Variants in CEP162 observed in about 807,000 individuals in gnomAD.
CEP162 encodes centrosomal protein 162.
Under a neutral mutation model 169.2 loss-of-function variants are expected in CEP162, and 141 were observed. The observed-to-expected ratio is 0.83, with a 90% CI of 0.73 to 0.96. The LOEUF (loss-of-function observed/expected upper bound fraction) is 0.96. Ranked by LOEUF, CEP162 falls within the 40% of genes least tolerant of loss-of-function variation. CEP162 has a pLI of 0.00. For missense variants in CEP162, 1,600 were observed against 1,587.2 expected, an observed-to-expected ratio of 1.01 and a Z score of -0.14; for synonymous variants, 540 against 526.4, an observed-to-expected ratio of 1.03 and a Z score of -0.35.
At position 84,206,813 on chromosome 6, in the gene CEP162, C is replaced by T. The variant is rs559887746; in HGVS notation, c.572-2717G>A. 4.4e-4 allele frequency among the ~76,000 whole-genome samples: 67 copies of T among 152,262 alleles called. 1 individual carries two copies. The highest frequency in any genetic ancestry group is 8.1e-4 in the Non-Finnish European group (55 of 68,002). On this transcript the variant is annotated intron_variant, in intron 6 of 26. Transcript: ENST00000403245. ...ACAGAATGGGAGAAAATTTTCACAACCTACTCCTCTGACAAAGGGCTAATA... is the reference window on the plus strand; with the variant it reads ...ACAGAATGGGAGAAAATTTTCACAATCTACTCCTCTGACAAAGGGCTAATA...
At chr6:84,180,188 A>T (rs1195194660) in intron 13 of CEP162, among the ~76,000 whole-genome samples, 1 of 152,202 alleles carries the variant, frequency 6.6e-6, no homozygotes, top group African/African-American at 2.4e-5. Context: ...GGAGGGTTCA[A>T]CGTACGCAAA....
At position 84,185,115 on chromosome 6, in the gene CEP162, G is replaced by C. The variant is rs1294992058; in HGVS notation, c.1663+72C>G. On this transcript the variant is annotated intron_variant, in intron 13 of 26. Coordinates refer to ENST00000403245, the MANE Select transcript of CEP162 (RefSeq NM_014895.4). The stretch of plus-strand genomic sequence containing the variant: ...GCAAATTGAATCTTACAAATGGAAT[G>C]TGGTACCTTAATTCTCTTCCATGGA... 33 of 1,302,258 alleles carry C rather than the reference G, an allele frequency of 2.5e-5. No homozygotes were observed. In the Admixed American group the frequency reaches 5.1e-4, roughly 20 times the overall value. 80.7% of individuals were successfully genotyped at this position (1,302,258 alleles called of 1,614,324 possible).
At chr6:84,201,839 T>C (rs2099544642) in intron 7 of CEP162, 72 bp from the exon 8 acceptor site, 1 of 745,854 alleles carries the variant, frequency 1.3e-6, no homozygotes, top group Non-Finnish European at 2.2e-6. Flanking sequence ...ATGCAAATAA[T>C]AGCAAAATCT....
intron 13 of CEP162, among the ~76,000 whole-genome samples, chr6:84,177,444 G>A (rs1303769668): frequency 1.3e-5 from 2 of 152,176 alleles, no homozygotes; most frequent in Admixed American, 1.3e-4. Context: ...GTATGTGGCA[G>A]GGCTCCAGGC....
chr6:84,221,067 A>G lies in CEP162; in HGVS notation c.162T>C (p.Phe54=). 6.4e-7 allele frequency: 1 copy of G among 1,551,684 alleles called. No homozygotes were observed. Among genetic ancestry groups the G allele is most frequent in the East Asian group, 2.3e-5 (1 of 44,396 alleles). ...ATCAGCAACATTTACCATCATCTTT[A>G]AAATCATCTTCAGTTATCCACCAAG... is the stretch of plus-strand genomic sequence containing the variant. ...TVPWWITEDD[F]KDDGLLGTNV... Residue 54 remains phenylalanine (F), a synonymous_variant, in exon 3 of 27, where the codon TTT becomes TTC. Transcript: ENST00000403245.
At chr6:84,222,927 T>A (rs1456204054) in intron 2 of CEP162, among the ~76,000 whole-genome samples, 1 of 152,234 alleles carries the variant, frequency 6.6e-6, no homozygotes, top group East Asian at 1.9e-4. Context: ...AAAATATTCC[T>A]TAAACCATCT....
At chr6:84,164,086 A>G (rs535010701) in intron 18 of CEP162, among the ~76,000 whole-genome samples, 1 of 152,156 alleles carries the variant, frequency 6.6e-6, no homozygotes. Flanking sequence ...TGCGGTCAAC[A>G]AACATATGAA....
intron 6 of CEP162, among the ~76,000 whole-genome samples, chr6:84,207,199 C>T (rs1183275560): frequency 6.6e-6 from 1 of 152,048 alleles, no homozygotes; most frequent in Admixed American, 6.6e-5. Context: ...ACCATTTGAC[C>T]CAGCGATCCC....
intron 25 of CEP162, among the ~76,000 whole-genome samples, chr6:84,145,698 T>G (rs1384065752): frequency 6.6e-6 from 1 of 152,124 alleles, no homozygotes; most frequent in Non-Finnish European, 1.5e-5. Flanking sequence ...ACTGCCCTTT[T>G]CCTGAAATCT....
chr6:84,193,752 G>T, intron 10 of CEP162, 62 bp from the exon 11 acceptor site: 2 of 864,158 alleles, frequency 2.3e-6, no homozygotes, highest in Non-Finnish European at 3.6e-6. Flanking sequence ...ATTTACATGT[G>T]TAATAACACC....
intron 25 of CEP162, among the ~76,000 whole-genome samples, chr6:84,137,097 C>T (rs1306422654): frequency 6.6e-6 from 1 of 152,206 alleles, no homozygotes; most frequent in Non-Finnish European, 1.5e-5. Context: ...GAATAAGAGT[C>T]ATACCTGGCA....
intron 13 of CEP162, among the ~76,000 whole-genome samples, chr6:84,183,251 C>T (rs1488265793): frequency 6.6e-6 from 1 of 151,892 alleles, no homozygotes; most frequent in Admixed American, 6.6e-5. Context: ...AAATATTAGT[C>T]TTCATCTAGC....
chr6:84,198,608 T>C (rs144666134), intron 9 of CEP162, among the ~76,000 whole-genome samples: 1 of 152,170 alleles, frequency 6.6e-6, no homozygotes, highest in South Asian at 2.1e-4. Context: ...ATTTTAAATA[T>C]CAGAAATTCA....
intron 17 of CEP162, among the ~76,000 whole-genome samples, chr6:84,170,168 T>A (rs968109868): frequency 1.3e-5 from 2 of 151,870 alleles, no homozygotes; most frequent in African/African-American, 4.8e-5. Flanking sequence ...GGTCAGGAGA[T>A]AGAGACCATC....
At chr6:84,189,928 T>C (rs942079506) in intron 11 of CEP162, among the ~76,000 whole-genome samples, 119 of 145,894 alleles carry the variant, frequency 8.2e-4, no homozygotes, top group Admixed American at 7.3e-3. Context: ...TTTGTGACTG[T>C]ACCAATCGAC....
intron 25 of CEP162, among the ~76,000 whole-genome samples, chr6:84,132,267 CTTTAACA>C (rs887610142): frequency 2.6e-5 from 4 of 152,180 alleles, no homozygotes; most frequent in African/African-American, 9.7e-5. Flanking sequence ...TTCTGGCTGC[CTTTAACA>C]TTTTTTTCCT....
intron 3 of CEP162, among the ~76,000 whole-genome samples, chr6:84,216,192 C>G (rs912083753): frequency 6.6e-6 from 1 of 152,162 alleles, no homozygotes; most frequent in Non-Finnish European, 1.5e-5. Context: ...ATTACAAGTA[C>G]TTAATACAGT....
intron 6 of CEP162, among the ~76,000 whole-genome samples, chr6:84,212,529 ACAACAAAG>A (rs1214888919): frequency 2.8e-4 from 43 of 151,934 alleles, no homozygotes; most frequent in Non-Finnish European, 2.5e-4. Context: ...AGAAAAAAAT[ACAACAAAG>A]AAGAATAGCT....
rs771386809 is a variant in CEP162 at position 84,153,048 on chromosome 6, T to C, written c.3126A>G (p.Val1042=). The change falls in exon 23 of 27, where the codon GTA becomes GTG. Residue 1042 remains valine (V), a synonymous_variant. Coordinates refer to ENST00000403245, the MANE Select transcript of CEP162 (RefSeq NM_014895.4). ...CGTCTATTTCGGCTTCAAGGTTTCTTACAGTGATCTGATGGGCTTCCTTGA... is the reference window on the plus strand; with the variant it reads ...CGTCTATTTCGGCTTCAAGGTTTCTCACAGTGATCTGATGGGCTTCCTTGA... ...DDIKEAHQIT[V]RNLEAEIDVL... 1 of 1,613,538 alleles carries C rather than the reference T, an allele frequency of 6.2e-7. No homozygotes were observed. The highest frequency in any genetic ancestry group is 8.5e-7 in the Non-Finnish European group (1 of 1,179,726).
Sources: allele counts gnomAD v4.1 joint callset (sites outside exome capture counted in the v4.1 genomes callset), GRCh38; gene constraint gnomAD v4.1.1; transcripts MANE v1.5; gene names NCBI Gene and HGNC (gene_info 2026-07-23, HGNC 2026-07-21).